The following DPYSL2 variants were observed in gnomAD, a reference collection of about 807,000 sequenced individuals.
DPYSL2 encodes dihydropyrimidinase-related protein 2.
Under a neutral mutation model 69.9 loss-of-function variants are expected in DPYSL2, and 13 were observed. The observed-to-expected ratio is 0.19, with a 90% CI of 0.12 to 0.30. The LOEUF is 0.30. Ranked by LOEUF, DPYSL2 falls within the 10% of genes least tolerant of loss-of-function variation. The pLI is 1.00. For missense variants in DPYSL2, 587 were observed against 918.9 expected (o/e 0.64, Z 4.67); for synonymous variants, 326 against 359.1 (o/e 0.91, Z 1.04).
chr8:26,540,941 A>G lies in DPYSL2; in HGVS notation c.354+26262A>G, dbSNP rs1056922777. On this transcript the variant is annotated intron_variant, in intron 1 of 13. Transcript: ENST00000521913. ...AAAAAGGAAATATATTTAATACCCAATAAAGCCATCAGGAAGTCAAAAAAT... is the reference window on the plus strand; with the variant it reads ...AAAAAGGAAATATATTTAATACCCAGTAAAGCCATCAGGAAGTCAAAAAAT... 7.2e-5 allele frequency among the ~76,000 whole-genome samples: 11 copies of G among 152,070 alleles called. No individual in the cohort carries two copies. In the South Asian group the frequency reaches 1.9e-3, roughly 26 times the overall value.
At position 26,560,480 on chromosome 8, in the gene DPYSL2, A is replaced by T. The variant is rs1801053237; in HGVS notation, c.355-21489A>T. ...TCCATTTACTCGATGTTGAAGGCAG[A>T]CATAAATGAGTTTGTCCACAGCTCA... On this transcript the variant is annotated intron_variant, in intron 1 of 13. Coordinates refer to ENST00000521913, the MANE Select transcript of DPYSL2 (RefSeq NM_001197293.3). The surrounding 1 kb of genome is among the most constrained non-coding windows in gnomAD (Gnocchi z 4.4). 6.6e-6 allele frequency among the ~76,000 whole-genome samples: 1 copy of T among 152,140 alleles called. No individual in the cohort carries two copies. Among genetic ancestry groups the T allele is most frequent in the South Asian group, 2.1e-4 (1 of 4,820 alleles).
At chr8:26,633,107 C>T (rs1042361629) in intron 7 of DPYSL2, among the ~76,000 whole-genome samples, 1 of 152,224 alleles carries the variant, frequency 6.6e-6, no homozygotes, top group African/African-American at 2.4e-5. Flanking sequence ...TTCTGTGGAG[C>T]AGCCTAGACT....
chr8:26,577,958 A>G, intron 1 of DPYSL2: 1 of 1,265,914 alleles, frequency 7.9e-7, no homozygotes, highest in South Asian at 1.7e-5. Flanking sequence ...GCTGTAGTTT[A>G]TTTCCACCCC....
At position 26,652,186 on chromosome 8, in the gene DPYSL2, G is replaced by A. The variant is rs1242598673; in HGVS notation, c.1597-71G>A. 2.7e-6 allele frequency: 4 copies of A among 1,460,926 alleles called. No homozygotes were observed. The highest frequency in any genetic ancestry group is 3.7e-6 in the Non-Finnish European group (4 of 1,090,158). The allele number at this position is 1,460,926 out of a possible 1,614,324, so 90.5% of individuals were successfully genotyped here. ...CTTTTGTCTCTGTGGGGTTGGGGCA[G>A]TGGGTGCTGCCGGGTGGATTGAGTC... On this transcript the variant is annotated intron_variant, in intron 11 of 13. Coordinates refer to ENST00000521913, the MANE Select transcript of DPYSL2 (RefSeq NM_001197293.3). The surrounding 1 kb of genome is among the most constrained non-coding windows in gnomAD (Gnocchi z 6.3).
rs186798856 is a variant in DPYSL2, at chr8:26,652,061, G to A, written c.1597-196G>A. Among the ~76,000 whole-genome samples the A allele has an allele frequency of 6.2e-3, 939 of 152,280 alleles. 5 individuals are homozygous for A. The highest frequency in any genetic ancestry group is 0.01 in the Non-Finnish European group (711 of 68,010). On this transcript the variant is annotated intron_variant, in intron 11 of 13. Coordinates refer to ENST00000521913, the MANE Select transcript of DPYSL2 (RefSeq NM_001197293.3). The surrounding 1 kb of genome is among the most constrained non-coding windows in gnomAD (Gnocchi z 6.3). ...TTTTTCTTTCTAATGTGGAGAGGTA[G>A]AAAAAGTTATTTCATATTCTAGACA...
rs936896036 is a variant in DPYSL2 at position 26,585,881 on chromosome 8, G to A, written c.628+1898G>A. 6.6e-6 allele frequency among the ~76,000 whole-genome samples: 1 copy of A among 152,168 alleles called. No individual in the cohort carries two copies. Among genetic ancestry groups the A allele is most frequent in the Non-Finnish European group, 1.5e-5 (1 of 68,030 alleles). On this transcript the variant is annotated intron_variant, in intron 3 of 13. Coordinates refer to ENST00000521913, the MANE Select transcript of DPYSL2 (RefSeq NM_001197293.3). The surrounding 1 kb of genome is among the most constrained non-coding windows in gnomAD (Gnocchi z 4.0). ...AATTCCAGCACTTTGGGAGCCTGAG[G>A]TGGGTGGATCACTTGAGGTCAGGAA... is the stretch of plus-strand genomic sequence containing the variant.
chr8:26,536,105 C>CT (rs111964513), intron 1 of DPYSL2, among the ~76,000 whole-genome samples: 11,913 of 139,616 alleles, frequency 0.085, 656 homozygotes, highest in South Asian at 0.16. Flanking sequence ...TATCTTTTTC[C>CT]TTTTTTTTTT....
In DPYSL2 at chr8:26,609,362, T is replaced by C. The variant is rs2129846102; in HGVS notation, c.629-14781T>C. Reference sequence around the variant, plus strand: ...TTTGGGGCGCATTTAGTTCTGCACGTTGTGTATGTAAGTAGATGTTCTTCT... The same window carrying C: ...TTTGGGGCGCATTTAGTTCTGCACGCTGTGTATGTAAGTAGATGTTCTTCT... On this transcript the variant is annotated intron_variant, in intron 3 of 13. Transcript: ENST00000521913. This position sits in a 1 kb window ranked among gnomAD's most constrained non-coding sequence, Gnocchi z 6.5. Among the ~76,000 whole-genome samples, 1 of 152,282 alleles carries C rather than the reference T, an allele frequency of 6.6e-6. No homozygotes were observed. Among genetic ancestry groups the C allele is most frequent in the East Asian group, 1.9e-4 (1 of 5,172 alleles).
At chr8:26,574,919 A>AC in intron 1 of DPYSL2, among the ~76,000 whole-genome samples, 1 of 152,040 alleles carries the variant, frequency 6.6e-6, no homozygotes, top group East Asian at 1.9e-4. Flanking sequence ...CACCACACTC[A>AC]GCTAATTTAT....
chr8:26,570,573 C>G (rs542917995), intron 1 of DPYSL2, among the ~76,000 whole-genome samples: 1 of 151,910 alleles, frequency 6.6e-6, no homozygotes, highest in Admixed American at 6.6e-5. Flanking sequence ...CCCATCTCTA[C>G]TAAAAATACA....
At position 26,627,981 on chromosome 8, in the gene DPYSL2, T is replaced by C; in HGVS notation, c.1005+41T>C. On this transcript the variant is annotated intron_variant, in intron 7 of 13. Transcript: ENST00000521913. This position sits in a 1 kb window ranked among gnomAD's most constrained non-coding sequence, Gnocchi z 6.9. ...GCGGAATGCGTGAATCAGTGTCCCTTGGGCACTGTGCAGAGCCTCAGGGAA... is the reference window on the plus strand; with the variant it reads ...GCGGAATGCGTGAATCAGTGTCCCTCGGGCACTGTGCAGAGCCTCAGGGAA... 1.9e-6 allele frequency: 3 copies of C among 1,593,722 alleles called. No homozygotes were observed. The highest frequency in any genetic ancestry group is 2.6e-6 in the Non-Finnish European group (3 of 1,167,714).
chr8:26,539,330 T>A (rs1328700780), intron 1 of DPYSL2, among the ~76,000 whole-genome samples: 1 of 152,142 alleles, frequency 6.6e-6, no homozygotes. Flanking sequence ...AACATCCAGT[T>A]TCACAATTCC....
chr8:26,525,069 T>C (rs557824398), intron 1 of DPYSL2, among the ~76,000 whole-genome samples: 1 of 152,298 alleles, frequency 6.6e-6, no homozygotes, highest in South Asian at 2.1e-4. Flanking sequence ...ACGGCTTTGA[T>C]CTCTTGACAT....
chr8:26,545,056 T>C (rs998126685), intron 1 of DPYSL2, among the ~76,000 whole-genome samples: 2 of 152,178 alleles, frequency 1.3e-5, no homozygotes, highest in African/African-American at 4.8e-5. Flanking sequence ...AGCAATACAT[T>C]AATAGTAGGG....
intron 1 of DPYSL2, among the ~76,000 whole-genome samples, chr8:26,552,736 C>A (rs1389851117): frequency 6.6e-6 from 1 of 152,114 alleles, no homozygotes. Flanking sequence ...TAGCCCACTC[C>A]CTCAATAACC....
intron 7 of DPYSL2, 141 bp from the exon 8 acceptor site, chr8:26,634,639 C>T: frequency 7.1e-7 from 1 of 1,417,930 alleles, no homozygotes. Context: ...AAGTCATACT[C>T]CTTTGAATTG....
chr8:26,638,224 A>G (rs1972921), intron 8 of DPYSL2, among the ~76,000 whole-genome samples: 109,338 of 152,168 alleles, frequency 0.72, 41,101 homozygotes, highest in Non-Finnish European at 0.83. Flanking sequence ...GGAAAGTCAC[A>G]TTGGGAGGTA....
chr8:26,581,152 G>C (rs969527003), intron 1 of DPYSL2, among the ~76,000 whole-genome samples: 2 of 152,126 alleles, frequency 1.3e-5, no homozygotes, highest in African/African-American at 4.8e-5. Context: ...TTACCTCAAA[G>C]ATAAATGCAA....
chr8:26,532,957 G>A, intron 1 of DPYSL2, among the ~76,000 whole-genome samples: 1 of 152,142 alleles, frequency 6.6e-6, no homozygotes, highest in East Asian at 1.9e-4. Context: ...TCCCAAAGTG[G>A]CTGCACTACT....
Sources: gnomAD v4.1 joint callset for allele counts (sites outside exome capture counted in the v4.1 genomes callset) on GRCh38, gnomAD v4.1.1 for gene constraint, Gnocchi (gnomAD v3.1) non-coding constraint, MANE v1.5 for transcripts, NCBI Gene and HGNC (gene_info 2026-07-23, HGNC 2026-07-21) for gene names.